VEGFB: variants seen among roughly 807,000 people sequenced by gnomAD.
The protein encoded by VEGFB is VEGF-related factor.
A neutral mutation model predicts 22.5 loss-of-function variants in VEGFB; 24 were observed. That is an observed-to-expected ratio of 1.07 (90% CI 0.77 to 1.50). VEGFB has a LOEUF of 1.50. Ranked by LOEUF, VEGFB falls within the 40% of genes most tolerant of loss-of-function variation. The pLI is 0.00. For synonymous variants in VEGFB, 141 were observed against 117.4 expected (o/e 1.20, Z -1.30); for missense variants, 327 against 287.8 (o/e 1.14, Z -0.99).
chr11:64,237,128 A>ATG, intron 4 of VEGFB, 59 bp from the exon 5 acceptor site: 1 of 1,201,416 alleles, frequency 8.3e-7, no homozygotes, highest in African/African-American at 1.5e-5. Context: ...AGAGAGTAGG[A>ATG]TGCTGGGATT....
intron 4 of VEGFB, 38 bp downstream of exon 4, chr11:64,236,365 A>C: frequency 6.2e-7 from 1 of 1,602,382 alleles, no homozygotes; most frequent in East Asian, 2.2e-5. Context: ...CGCAGAGGCC[A>C]GGCTTGGGGG....
chr11:64,236,084 G>C lies in VEGFB; in HGVS notation c.300+75G>C, dbSNP rs1020588250. The C allele has an allele frequency of 1.1e-5, 17 of 1,527,486 alleles. No homozygotes were observed. The African/African-American group carries it at 2.3e-4, about 21-fold the overall frequency. The allele number at this position is 1,527,486 out of a possible 1,614,324, so 94.6% of individuals were successfully genotyped here. A position where few individuals can be genotyped will look rare whatever the true frequency, so the allele number is the denominator to read the frequency against. ...GGGGCAGCGGGCAGGGTGGATGCTG[G>C]CTGGCTCTGGGGCTGGGGCAGCCTG... On this transcript the variant is annotated intron_variant, in intron 3 of 6. Coordinates refer to ENST00000309422, the MANE Select transcript of VEGFB (RefSeq NM_003377.5).
intron 3 of VEGFB, 55 bp from the exon 4 acceptor site, chr11:64,236,199 G>A (rs1411871977): frequency 1.3e-6 from 2 of 1,598,876 alleles, no homozygotes; most frequent in Non-Finnish European, 1.7e-6. Context: ...CAGTCTTAGA[G>A]CATCCCCTTT....
chr11:64,236,942 G>C (rs1206964150), intron 4 of VEGFB, among the ~76,000 whole-genome samples: 1 of 148,360 alleles, frequency 6.7e-6, no homozygotes, highest in African/African-American at 2.4e-5. Context: ...AATTAGCCGC[G>C]CATGGTGGCA....
chr11:64,237,126 G>GAGAGAGAGAGAGAGAGACACA, intron 4 of VEGFB, 61 bp from the exon 5 acceptor site: 1 of 710,976 alleles, frequency 1.4e-6, no homozygotes, highest in African/African-American at 2.5e-5. Context: ...AGAGAGAGTA[G>GAGAGAGAGAGAGAGAGACACA]GATGCTGGGA....
chr11:64,237,313 C>T (rs1430499323), intron 5 of VEGFB, 91 bp downstream of exon 5: 1 of 1,516,354 alleles, frequency 6.6e-7, no homozygotes, highest in African/African-American at 1.4e-5. Flanking sequence ...CACCCGTCCC[C>T]CACTTTCCCT....
At position 64,238,360 on chromosome 11, in the gene VEGFB, C is replaced by A. The variant is rs917782823; in HGVS notation, c.*27C>A. The A allele has an allele frequency of 6.5e-7, 1 of 1,536,154 alleles. No individual in the cohort carries two copies. Among genetic ancestry groups the A allele is most frequent in the African/African-American group, 1.4e-5 (1 of 73,138 alleles). On this transcript the variant is annotated 3_prime_UTR_variant, in exon 7 of 7. Coordinates refer to ENST00000309422, the MANE Select transcript of VEGFB (RefSeq NM_003377.5). ...GATCACTTCCTCCCTCCTCAGGTGC[C>A]GGAAGCTGCGAAGGTGACACATGGC...
Position 64,237,126 on chromosome 11 carries a change from G to GA in VEGFB, c.375-61_375-60insA. The GA allele has an allele frequency of 4.8e-4, 346 of 717,242 alleles. 49 individuals are homozygous for GA. In the East Asian group the frequency reaches 7.0e-3, roughly 15 times the overall value. The allele number at this position is 717,242 out of a possible 1,614,324, so 44.4% of individuals were successfully genotyped here. A position where few individuals can be genotyped will look rare whatever the true frequency, so the allele number is the denominator to read the frequency against. ...GAGAGAGAGAGAGAGAGAGAGAGTA[G>GA]GATGCTGGGATTTCCTGATCTTCCT... On this transcript the variant is annotated intron_variant, in intron 4 of 6. Transcript: ENST00000309422.
At chr11:64,236,369 T>C (rs2030020556) in intron 4 of VEGFB, 42 bp downstream of exon 4, 17 of 1,594,478 alleles carry the variant, frequency 1.1e-5, no homozygotes, top group Non-Finnish European at 1.5e-5. Context: ...GAGGCCAGGC[T>C]TGGGGGGTGC....
rs2030183938 is a variant in VEGFB at position 64,237,437 on chromosome 11, A to G, written c.428A>G (p.His143Arg). ...VKPDRAATPH[H>R]RPQPRSVPGW... ...CTCCCTAGGGCTGCCACTCCCCACCACCGTCCCCAGCCCCGTTCTGTTCCG... is the reference window on the plus strand; with the variant it reads ...CTCCCTAGGGCTGCCACTCCCCACCGCCGTCCCCAGCCCCGTTCTGTTCCG... The change falls in exon 6 of 7, where the codon CAC becomes CGC. Residue 143 changes from histidine (H) to arginine (R), a missense_variant. His to Arg is a conservative substitution (Grantham distance 29). Transcript: ENST00000309422. The G allele has an allele frequency of 1.9e-6, 3 of 1,591,020 alleles. No individual in the cohort carries two copies. The highest frequency in any genetic ancestry group is 2.6e-6 in the Non-Finnish European group (3 of 1,164,782).
Position 64,237,083 on chromosome 11 carries a change from C to CGAGAGAGAGAGAGAGAGAGAGAGAGAG in VEGFB, c.375-104_375-103insGAGAGAGAGAGAGAGAGAGAGAGAGAG, listed in dbSNP as rs1555056088. ...GGGCAAGAAGAGGGAAACACAGTCT[C>CGAGAGAGAGAGAGAGAGAGAGAGAGAG]AAAGAGAGAGAGAGAGAGAGAGAGA... On this transcript the variant is annotated intron_variant, in intron 4 of 6. Coordinates refer to ENST00000309422, the MANE Select transcript of VEGFB (RefSeq NM_003377.5). 20 of 650,502 alleles carry CGAGAGAGAGAGAGAGAGAGAGAGAGAG rather than the reference C, an allele frequency of 3.1e-5. 5 individuals carry two copies. Among genetic ancestry groups the CGAGAGAGAGAGAGAGAGAGAGAGAGAG allele is most frequent in the East Asian group, 2.1e-4 (3 of 14,492 alleles). 40.3% of individuals were successfully genotyped at this position (650,502 alleles called of 1,614,324 possible). A position where few individuals can be genotyped will look rare whatever the true frequency, so the allele number is the denominator to read the frequency against.
Position 64,234,801 on chromosome 11 carries a change from G to T in VEGFB, c.-33G>T, listed in dbSNP as rs1342224724. 1.8e-6 allele frequency: 2 copies of T among 1,098,376 alleles called. No individual in the cohort carries two copies. Among genetic ancestry groups the T allele is most frequent in the Admixed American group, 5.2e-5 (1 of 19,228 alleles). The allele number at this position is 1,098,376 out of a possible 1,614,324, so 68.0% of individuals were successfully genotyped here. A position where few individuals can be genotyped will look rare whatever the true frequency, so the allele number is the denominator to read the frequency against. On this transcript the variant is annotated 5_prime_UTR_variant, in exon 1 of 7. Transcript: ENST00000309422. This position sits in a 1 kb window ranked among gnomAD's most constrained non-coding sequence, Gnocchi z 5.3. Reference sequence around the variant, plus strand: ...CCGCGCCGCCGGGCTAGGGCGATGCGGGCGCCCCCGGCGGGCGGCCCCGGC... The same window carrying T: ...CCGCGCCGCCGGGCTAGGGCGATGCTGGCGCCCCCGGCGGGCGGCCCCGGC...
At position 64,238,369 on chromosome 11, in the gene VEGFB, C is replaced by T. The variant is rs1336555223; in HGVS notation, c.*36C>T. ...CTCCCTCCTCAGGTGCCGGAAGCTG[C>T]GAAGGTGACACATGGCTTTTCAGAC... is the stretch of plus-strand genomic sequence containing the variant. On this transcript the variant is annotated 3_prime_UTR_variant, in exon 7 of 7. Coordinates refer to ENST00000309422, the MANE Select transcript of VEGFB (RefSeq NM_003377.5). 17 of 1,536,124 alleles carry T rather than the reference C, an allele frequency of 1.1e-5. No individual in the cohort carries two copies. Among genetic ancestry groups the T allele is most frequent in the South Asian group, 8.3e-5 (7 of 84,062 alleles).
In VEGFB at chr11:64,237,449, C is replaced by A. The variant is rs763586544; in HGVS notation, c.440C>A (p.Pro147His). The change falls in exon 6 of 7, where the codon CCC (proline) becomes CAC (histidine). Residue 147 changes from proline to histidine, a missense_variant. Pro to His is a moderately conservative substitution (Grantham distance 77). Coordinates refer to ENST00000309422, the MANE Select transcript of VEGFB (RefSeq NM_003377.5). ...GCCACTCCCCACCACCGTCCCCAGC[C>A]CCGTTCTGTTCCGGGCTGGGACTCT... ...RAATPHHRPQ[P>H]RSVPGWDSAP... The A allele has an allele frequency of 3.7e-6, 6 of 1,608,994 alleles. No homozygotes were observed. The African/African-American group carries it at 8.0e-5, about 22-fold the overall frequency.
chr11:64,235,310 T>C (rs1375914865), intron 1 of VEGFB, 148 bp from the exon 2 acceptor site: 1 of 770,646 alleles, frequency 1.3e-6, no homozygotes, highest in Non-Finnish European at 2.1e-6. Flanking sequence ...CAGGTAAAGC[T>C]AGAGCAGTGG....
chr11:64,238,280 G>A, intron 6 of VEGFB, 76 bp from the exon 7 acceptor site: 2 of 1,512,530 alleles, frequency 1.3e-6, no homozygotes, highest in Non-Finnish European at 1.8e-6. Context: ...GATCTTAGTG[G>A]GCCCGAGGCA....
chr11:64,237,937 G>A, intron 6 of VEGFB: 2 of 500,698 alleles, frequency 4.0e-6, no homozygotes, highest in Non-Finnish European at 3.5e-6. Flanking sequence ...GAGATCTCTT[G>A]GAGGAGGTGA....
At position 64,237,154 on chromosome 11, in the gene VEGFB, T is replaced by G; in HGVS notation, c.375-33T>G. 15 of 1,530,672 alleles carry G rather than the reference T, an allele frequency of 9.8e-6. 1 individual carries two copies. Among genetic ancestry groups the G allele is most frequent in the Non-Finnish European group, 1.3e-5 (15 of 1,130,066 alleles). The allele number at this position is 1,530,672 out of a possible 1,614,324, so 94.8% of individuals were successfully genotyped here. Reference sequence around the variant, plus strand: ...TGCTGGGATTTCCTGATCTTCCTCTTGTTTGTCTGTGTCTGTCTATCTTAC... The same window carrying G: ...TGCTGGGATTTCCTGATCTTCCTCTGGTTTGTCTGTGTCTGTCTATCTTAC... On this transcript the variant is annotated intron_variant, in intron 4 of 6. Transcript: ENST00000309422.
rs1464322613 is a variant in VEGFB at position 64,238,905 on chromosome 11, GAGGACTA to G, written c.*576_*582del. 1 of 167,122 alleles carries G rather than the reference GAGGACTA, an allele frequency of 6.0e-6. No individual in the cohort carries two copies. The highest frequency in any genetic ancestry group is 2.4e-5 in the African/African-American group (1 of 41,890). The allele number at this position is 167,122 out of a possible 1,614,324, so 10.4% of individuals were successfully genotyped here. A position where few individuals can be genotyped will look rare whatever the true frequency, so the allele number is the denominator to read the frequency against. On this transcript the variant is annotated 3_prime_UTR_variant, in exon 7 of 7. Transcript: ENST00000309422. Reference sequence around the variant, plus strand: ...CCCTCATTGTGCAGATGGAGGAAATGAGGACTAAGGCCCCACAGCAGATCCCAGGCAG... The same window carrying G: ...CCCTCATTGTGCAGATGGAGGAAATGAGGCCCCACAGCAGATCCCAGGCAG...
Sources: gnomAD v4.1 joint callset for allele counts (sites outside exome capture counted in the v4.1 genomes callset) on GRCh38, gnomAD v4.1.1 for gene constraint, Gnocchi (gnomAD v3.1) non-coding constraint, MANE v1.5 for transcripts, NCBI Gene and HGNC (gene_info 2026-07-23, HGNC 2026-07-21) for gene names.